Variants in DHX37 observed in about 807,000 individuals in gnomAD.
DHX37 encodes DEAH-box helicase 37, also known as probable ATP-dependent RNA helicase DHX37.
Under a neutral mutation model 134.3 loss-of-function variants are expected in DHX37, and 52 were observed. That is an observed-to-expected ratio of 0.39 (90% CI 0.31 to 0.49). The LOEUF (loss-of-function observed/expected upper bound fraction) is 0.49, where lower values mean the gene tolerates loss of function less well. DHX37 is among the 20% of genes least tolerant of loss of function. The pLI is 0.93. For missense variants in DHX37, 1,344 were observed against 1,580.8 expected (o/e 0.85, Z 2.54); for synonymous variants, 634 against 670.7 (o/e 0.95, Z 0.85).
intron 18 of DHX37, 49 bp downstream of exon 18, chr12:124,956,642 C>T: frequency 6.7e-7 from 1 of 1,486,482 alleles, no homozygotes; most frequent in Non-Finnish European, 9.0e-7. Context: ...GCCCAGAGCC[C>T]CCGTCGGAAC....
rs1424320874 is a variant in DHX37, at chr12:124,948,032, C to T, written c.3388+52G>A. 3 of 1,614,062 alleles carry T rather than the reference C, an allele frequency of 1.9e-6. No homozygotes were observed. In the Admixed American group the frequency reaches 5.0e-5, roughly 27 times the overall value. On this transcript the variant is annotated intron_variant, in intron 26 of 26. Coordinates refer to ENST00000308736, the MANE Select transcript of DHX37 (RefSeq NM_032656.4). ...CGTGCACAAAGCACAAAGCCCCTGC[C>T]TCAGTGACCCCATCCTGTCTACTCC...
chr12:124,968,222 G>T (rs1032952361), intron 10 of DHX37, among the ~76,000 whole-genome samples: 1 of 152,156 alleles, frequency 6.6e-6, no homozygotes, highest in African/African-American at 2.4e-5. Context: ...ACTCTTGGGG[G>T]GATGTGCCCG....
intron 1 of DHX37, among the ~76,000 whole-genome samples, chr12:124,988,706 G>A (rs113869906): frequency 6.6e-6 from 1 of 151,928 alleles, no homozygotes; most frequent in African/African-American, 2.4e-5. Context: ...ATTTGAGGGC[G>A]AGAGAAATCC....
chr12:124,972,068 G>C (rs1427317059), intron 7 of DHX37, among the ~76,000 whole-genome samples: 1 of 152,184 alleles, frequency 6.6e-6, no homozygotes, highest in Non-Finnish European at 1.5e-5. Context: ...TCCGAGTCTG[G>C]TGCTGCCCCT....
At position 124,950,491 on chromosome 12, in the gene DHX37, C is replaced by A; in HGVS notation, c.3043G>T (p.Asp1015Tyr). The A allele has an allele frequency of 6.4e-7, 1 of 1,573,154 alleles. No homozygotes were observed. Among genetic ancestry groups the A allele is most frequent in the South Asian group, 1.2e-5 (1 of 85,136 alleles). ...PALLPSYCQF[D>Y]KPLEEPAPTY... Reference sequence around the variant, plus strand: ...GGGGCTGGTTCCTCCAGGGGCTTGTCAAACTGGCAGTAAGAGGGCAGCAGG... The same window carrying A: ...GGGGCTGGTTCCTCCAGGGGCTTGTAAAACTGGCAGTAAGAGGGCAGCAGG... Residue 1015 changes from aspartate to tyrosine, a missense_variant, in exon 23 of 27, where the codon GAC becomes TAC. This residue lies in a region of DHX37 where 558 missense variants were observed against 650.0 expected (regional missense o/e 0.86). Coordinates refer to ENST00000308736, the MANE Select transcript of DHX37 (RefSeq NM_032656.4).
chr12:124,965,329 C>T (rs1254998524), intron 13 of DHX37, among the ~76,000 whole-genome samples: 1 of 152,222 alleles, frequency 6.6e-6, no homozygotes, highest in Non-Finnish European at 1.5e-5. Context: ...TCAGGCTGAG[C>T]CCGTACTGGG....
chr12:124,988,131 C>G (rs1954909329), intron 1 of DHX37, among the ~76,000 whole-genome samples: 1 of 151,558 alleles, frequency 6.6e-6, no homozygotes, highest in South Asian at 2.1e-4. Context: ...GTAGCTGGGA[C>G]TACAGGTGCC....
At chr12:124,956,946 C>T (rs959550796) in intron 17 of DHX37, 67 bp from the exon 18 acceptor site, 33 of 1,535,988 alleles carry the variant, frequency 2.1e-5, no homozygotes, top group African/African-American at 7.0e-5. Context: ...GGAGGCCCCA[C>T]GCTTGAGGCA....
Position 124,989,104 on chromosome 12 carries a change from C to T in DHX37, c.-82G>A. 1 of 891,470 alleles carries T rather than the reference C, an allele frequency of 1.1e-6. No homozygotes were observed. 55.2% of individuals were successfully genotyped at this position (891,470 alleles called of 1,614,324 possible). On this transcript the variant is annotated 5_prime_UTR_variant, in exon 1 of 27. It adds an upstream start codon to the 5' untranslated region. Transcript: ENST00000308736. Reference sequence around the variant, plus strand: ...CCAGCCCACGTGGGTTCCCAGACCACCAACTCCGGCCGTGAGACTTCCGGG... The same window carrying T: ...CCAGCCCACGTGGGTTCCCAGACCATCAACTCCGGCCGTGAGACTTCCGGG...
chr12:124,966,985 C>A, intron 11 of DHX37, 107 bp from the exon 12 acceptor site: 1 of 1,549,004 alleles, frequency 6.5e-7, no homozygotes, highest in South Asian at 1.1e-5. Flanking sequence ...GCCATTTATT[C>A]GGGGGTGAGG....
chr12:124,967,698 G>C (rs533142186), intron 10 of DHX37, among the ~76,000 whole-genome samples: 2 of 152,326 alleles, frequency 1.3e-5, no homozygotes, highest in African/African-American at 4.8e-5. Context: ...GGTCAAGCTT[G>C]TTGGGAAGCA....
intron 26 of DHX37, 93 bp downstream of exon 26, chr12:124,947,991 C>T: frequency 6.2e-7 from 1 of 1,613,286 alleles, no homozygotes; most frequent in Non-Finnish European, 8.5e-7. Flanking sequence ...GATCCTTCTG[C>T]CAAGCCAGGG....
intron 15 of DHX37, among the ~76,000 whole-genome samples, chr12:124,961,228 GCACA>G (rs1206361874): frequency 2.8e-4 from 29 of 102,620 alleles, no homozygotes; most frequent in Admixed American, 5.1e-4. Flanking sequence ...GCACACGCAC[GCACA>G]CACACATACA....
Position 124,949,812 on chromosome 12 carries a change from C to T in DHX37, c.3290+174G>A, listed in dbSNP as rs569163776. Among the ~76,000 whole-genome samples, 2 of 152,240 alleles carry T rather than the reference C, an allele frequency of 1.3e-5. No homozygotes were observed. Among genetic ancestry groups the T allele is most frequent in the Admixed American group, 1.3e-4 (2 of 15,290 alleles). ...GGAGGCCGACAGAGGCAAGACGGAC[C>T]CTCCCCGAGAGCCGCTGCACAGACC... On this transcript the variant is annotated intron_variant, in intron 25 of 26. Transcript: ENST00000308736. This position sits in a 1 kb window ranked among gnomAD's most constrained non-coding sequence, Gnocchi z 4.0.
rs773634606 is a variant in DHX37 at position 124,975,490 on chromosome 12, G to A, written c.909C>T (p.Val303=). Residue 303 remains valine (V), a synonymous_variant, in exon 6 of 27, where the codon GTC becomes GTT. Coordinates refer to ENST00000308736, the MANE Select transcript of DHX37 (RefSeq NM_032656.4). ...GFSSEDSIIG[V]TEPRRVAAVA... ...CGGCGGCCACTCGGCGGGGCTCCGT[G>A]ACACCGATGATGCTGTCTTCACTGG... 6.2e-7 allele frequency: 1 copy of A among 1,612,558 alleles called. No homozygotes were observed. Among genetic ancestry groups the A allele is most frequent in the Non-Finnish European group, 8.5e-7 (1 of 1,180,008 alleles).
intron 16 of DHX37, 116 bp from the exon 17 acceptor site, chr12:124,957,251 C>T (rs1594478381): frequency 2.1e-6 from 2 of 950,912 alleles, no homozygotes; most frequent in East Asian, 3.1e-5. Context: ...TCAGCTCATG[C>T]CAGTGGGGAC....
chr12:124,965,534 C>T lies in DHX37; in HGVS notation c.1735+134G>A. 7 of 1,373,882 alleles carry T rather than the reference C, an allele frequency of 5.1e-6. No homozygotes were observed. The South Asian group carries it at 1.1e-4, about 21-fold the overall frequency. 85.1% of individuals were successfully genotyped at this position (1,373,882 alleles called of 1,614,324 possible). A position where few individuals can be genotyped will look rare whatever the true frequency, so the allele number is the denominator to read the frequency against. On this transcript the variant is annotated intron_variant, in intron 13 of 26. Transcript: ENST00000308736. ...ATGTTTGAGGCCTCCTCGTGCCAGG[C>T]AGTTTCAAGAACTCAGGAAGCATCG...
rs566378953 is a variant in DHX37 at position 124,980,351 on chromosome 12, C to T, written c.738+139G>A. ...ATCCCTGCCACAGCCTCAAGGGAGG[C>T]GCAGTCACTCTCCCCTTTCCCAGAT... On this transcript the variant is annotated intron_variant, in intron 4 of 26. Coordinates refer to ENST00000308736, the MANE Select transcript of DHX37 (RefSeq NM_032656.4). The surrounding 1 kb of genome is among the most constrained non-coding windows in gnomAD (Gnocchi z 5.3). The T allele has an allele frequency of 3.3e-5, 33 of 986,680 alleles. No homozygotes were observed. The African/African-American group carries it at 4.1e-4, about 12-fold the overall frequency. The allele number at this position is 986,680 out of a possible 1,614,324, so 61.1% of individuals were successfully genotyped here.
Position 124,980,967 on chromosome 12 carries a change from C to T in DHX37, c.390-129G>A. ...TGTTCCACTCCCTGAAATGCCCTTC[C>T]TGCAGATACCTCCTCTCACTCCACT... On this transcript the variant is annotated intron_variant, in intron 3 of 26. Coordinates refer to ENST00000308736, the MANE Select transcript of DHX37 (RefSeq NM_032656.4). This position sits in a 1 kb window ranked among gnomAD's most constrained non-coding sequence, Gnocchi z 5.3. The T allele has an allele frequency of 1.0e-6, 1 of 977,936 alleles. No individual in the cohort carries two copies. The highest frequency in any genetic ancestry group is 1.5e-6 in the Non-Finnish European group (1 of 677,080). The allele number at this position is 977,936 out of a possible 1,614,324, so 60.6% of individuals were successfully genotyped here.
Sources: allele counts gnomAD v4.1 joint callset (sites outside exome capture counted in the v4.1 genomes callset), GRCh38; gene constraint gnomAD v4.1.1; regional missense constraint gnomAD v4.1.1; non-coding constraint Gnocchi (gnomAD v3.1); transcripts MANE v1.5; gene names NCBI Gene and HGNC (gene_info 2026-07-23, HGNC 2026-07-21).